Variants in CEP128 observed in about 807,000 individuals in gnomAD.
The protein encoded by CEP128 is centrosomal protein 128kDa.
Under a neutral mutation model 156.7 loss-of-function variants are expected in CEP128, and 132 were observed. That is an observed-to-expected ratio of 0.84 (90% CI 0.73 to 0.97). The LOEUF is 0.97. Ranked by LOEUF, CEP128 falls within the 50% of genes least tolerant of loss-of-function variation. CEP128 has a pLI of 0.00. For missense variants in CEP128, 1,252 were observed against 1,281.9 expected (o/e 0.98, Z 0.36); for synonymous variants, 469 against 448.9 (o/e 1.04, Z -0.57).
chr14:80,632,277 T>C (rs183215209), intron 19 of CEP128, among the ~76,000 whole-genome samples: 29 of 151,730 alleles, frequency 1.9e-4, no homozygotes, highest in African/African-American at 6.8e-4. Context: ...CATAGAATTA[T>C]ACTATATGTG....
chr14:80,627,962 C>T (rs952801761), intron 19 of CEP128, among the ~76,000 whole-genome samples: 7 of 151,564 alleles, frequency 4.6e-5, no homozygotes, highest in Non-Finnish European at 8.8e-5. Context: ...CTCACTCAGG[C>T]TGTGTGTGTG....
intron 2 of CEP128, among the ~76,000 whole-genome samples, chr14:80,952,208 AT>A (rs145537177): frequency 1.3e-5 from 2 of 151,860 alleles, no homozygotes; most frequent in Non-Finnish European, 2.9e-5. Flanking sequence ...CTGATCACTT[AT>A]TTTTTTTCAA....
At chr14:80,830,183 T>C (rs1312658801) in intron 13 of CEP128, 2 of 567,216 alleles carry the variant, frequency 3.5e-6, no homozygotes, top group Non-Finnish European at 3.2e-6. Context: ...AGTAAGTCTT[T>C]ATTAAACATG....
chr14:80,570,838 CAA>C (rs1393102004), intron 20 of CEP128, among the ~76,000 whole-genome samples: 1 of 151,868 alleles, frequency 6.6e-6, no homozygotes, highest in African/African-American at 2.4e-5. Context: ...TAAAGTATGC[CAA>C]AACAGACTTC....
chr14:80,647,414 A>G (rs1228764523), intron 19 of CEP128, among the ~76,000 whole-genome samples: 2 of 151,634 alleles, frequency 1.3e-5, no homozygotes, highest in African/African-American at 4.8e-5. Flanking sequence ...TTTTCTCAGA[A>G]CCTTACGTAC....
chr14:80,795,248 T>A (rs1009921669), intron 13 of CEP128, among the ~76,000 whole-genome samples: 1 of 152,152 alleles, frequency 6.6e-6, no homozygotes, highest in Admixed American at 6.5e-5. Flanking sequence ...CTGCCACCTT[T>A]AAAGCAAGGG....
chr14:80,620,363 C>T (rs959289222), intron 19 of CEP128, among the ~76,000 whole-genome samples: 9 of 151,980 alleles, frequency 5.9e-5, no homozygotes, highest in South Asian at 2.1e-4. Flanking sequence ...TCTTCTAGAA[C>T]TGTAATCCTA....
At chr14:80,716,420 C>T (rs1411452040) in intron 19 of CEP128, among the ~76,000 whole-genome samples, 1 of 152,156 alleles carries the variant, frequency 6.6e-6, no homozygotes, top group Non-Finnish European at 1.5e-5. Context: ...ATCACTATTT[C>T]TTAATGATGA....
Position 80,950,019 on chromosome 14 carries a change from C to T in CEP128, c.-172+8159G>A, listed in dbSNP as rs185273637. Among the ~76,000 whole-genome samples, 44 of 152,140 alleles carry T rather than the reference C, an allele frequency of 2.9e-4. No individual in the cohort carries two copies. The East Asian group carries it at 7.5e-3, about 26-fold the overall frequency. ...CCTTATTTGGGAATAGCATCTTTAACGATATTTAAATTAAGTTGAGGTTAT... is the reference window on the plus strand; with the variant it reads ...CCTTATTTGGGAATAGCATCTTTAATGATATTTAAATTAAGTTGAGGTTAT... On this transcript the variant is annotated intron_variant, in intron 2 of 7. Coordinates refer to the CEP128 transcript ENST00000555529.
rs1566880833 is a variant in CEP128 at position 80,729,055 on chromosome 14, G to GT, written c.2806+14019_2806+14020insA. 9.0e-4 allele frequency among the ~76,000 whole-genome samples: 81 copies of GT among 89,944 alleles called. 1 individual carries two copies. The highest frequency in any genetic ancestry group is 4.0e-3 in the African/African-American group (62 of 15,346). The allele number at this position is 89,944 out of a possible 152,430, so 59.0% of individuals were successfully genotyped here. A position where few individuals can be genotyped will look rare whatever the true frequency, so the allele number is the denominator to read the frequency against. On this transcript the variant is annotated intron_variant, in intron 19 of 24. Coordinates refer to ENST00000555265, the MANE Select transcript of CEP128 (RefSeq NM_152446.5). ...TGCCCTAGTCCCAGGCTGGGCTGGT[G>GT]GGGGTGTGTGTGTGTGTGTGTGTGT...
In CEP128 at chr14:80,906,200, A is replaced by G. The variant is rs775671062; in HGVS notation, c.235-119T>C. 3.5e-5 allele frequency: 25 copies of G among 716,516 alleles called. 1 individual carries two copies. Among genetic ancestry groups the G allele is most frequent in the Non-Finnish European group, 4.6e-5 (22 of 480,078 alleles). The allele number at this position is 716,516 out of a possible 1,614,324, so 44.4% of individuals were successfully genotyped here. On this transcript the variant is annotated intron_variant, in intron 4 of 24. Coordinates refer to ENST00000555265, the MANE Select transcript of CEP128 (RefSeq NM_152446.5). ...ATCTGGGTTCCCCCCAAAAAAAGGT[A>G]TCAGAAAATTTTAAACTAAGTTATG...
intron 19 of CEP128, among the ~76,000 whole-genome samples, chr14:80,720,029 A>AG (rs1401518056): frequency 6.6e-6 from 1 of 152,186 alleles, no homozygotes; most frequent in African/African-American, 2.4e-5. Context: ...TAATGGAGCA[A>AG]GATCCCTCCG....
At chr14:80,830,254 C>A in intron 13 of CEP128, 2 of 636,564 alleles carry the variant, frequency 3.1e-6, no homozygotes, top group South Asian at 1.8e-5. Context: ...AATCTTGAAC[C>A]AAATTTAAAA....
At chr14:80,900,489 A>G (rs1034667148) in intron 6 of CEP128, among the ~76,000 whole-genome samples, 1 of 152,256 alleles carries the variant, frequency 6.6e-6, no homozygotes, top group East Asian at 1.9e-4. Flanking sequence ...GAATTACAAT[A>G]AAATTTTATT....
chr14:80,880,823 A>T (rs1175734887), intron 8 of CEP128, among the ~76,000 whole-genome samples: 2 of 149,316 alleles, frequency 1.3e-5, no homozygotes, highest in South Asian at 2.1e-4. Context: ...AGATCTCGCC[A>T]CTGCACTCCA....
chr14:80,813,734 C>T (rs1336575250), intron 13 of CEP128, among the ~76,000 whole-genome samples: 1 of 152,048 alleles, frequency 6.6e-6, no homozygotes, highest in African/African-American at 2.4e-5. Context: ...ATTATTGATG[C>T]AATTCTAGTT....
chr14:80,805,073 C>G (rs1884096728), intron 13 of CEP128, among the ~76,000 whole-genome samples: 1 of 151,954 alleles, frequency 6.6e-6, no homozygotes, highest in South Asian at 2.1e-4. Context: ...GTTCTCCTAT[C>G]ATATGGAAAT....
intron 11 of CEP128, 119 bp downstream of exon 11, chr14:80,838,085 T>C: frequency 1.5e-6 from 1 of 680,316 alleles, no homozygotes; most frequent in Admixed American, 2.7e-5. Context: ...TATACATTCC[T>C]TAGGAAAACA....
At chr14:80,846,528 C>G (rs1443218583) in intron 9 of CEP128, among the ~76,000 whole-genome samples, 1 of 152,054 alleles carries the variant, frequency 6.6e-6, no homozygotes, top group East Asian at 1.9e-4. Flanking sequence ...GCAAATTGAT[C>G]AACCCCGGAA....
Sources: gnomAD v4.1 joint callset for allele counts (sites outside exome capture counted in the v4.1 genomes callset) on GRCh38, gnomAD v4.1.1 for gene constraint, MANE v1.5 for transcripts, NCBI Gene and HGNC (gene_info 2026-07-23, HGNC 2026-07-21) for gene names.